LARP4B: variants seen among roughly 807,000 people sequenced by gnomAD.
LARP4B encodes la-related protein 4B.
In LARP4B, 12 loss-of-function variants were observed where a neutral mutation model predicts 89.8. That is an observed-to-expected ratio of 0.13 (90% CI 0.09 to 0.22). The LOEUF (loss-of-function observed/expected upper bound fraction) is 0.22. Ranked by LOEUF, LARP4B falls within the 10% of genes least tolerant of loss-of-function variation. The pLI is 1.00. For missense variants in LARP4B, 757 were observed against 947.7 expected (o/e 0.80, Z 2.64); for synonymous variants, 367 against 363.3 (o/e 1.01, Z -0.12).
intron 13 of LARP4B, among the ~76,000 whole-genome samples, chr10:823,649 C>A (rs1832469692): frequency 6.6e-6 from 1 of 151,590 alleles, no homozygotes; most frequent in African/African-American, 2.4e-5. Flanking sequence ...AATTGATGCC[C>A]CTCAGAGGGA....
At chr10:979,216 G>T in the LARP4B span, among the ~76,000 whole-genome samples, 1 of 152,040 alleles carries the variant, frequency 6.6e-6, no homozygotes, top group Non-Finnish European at 1.5e-5. Flanking sequence ...AGTACTTATT[G>T]GACAAACATT....
intron 1 of LARP4B, among the ~76,000 whole-genome samples, chr10:911,952 T>C (rs1369007324): frequency 1.3e-5 from 2 of 152,206 alleles, no homozygotes; most frequent in South Asian, 2.1e-4. Flanking sequence ...TTTAGACAGA[T>C]GCAGTTTGAA....
In LARP4B at chr10:815,055, C is replaced by A. The variant is rs542921073; in HGVS notation, c.1711G>T (p.Ala571Ser). The change falls in exon 16 of 18, where the codon GCA (alanine) becomes TCA (serine). Residue 571 changes from alanine (A) to serine (S), a missense_variant. Physicochemically the swap from Ala to Ser is moderately conservative, Grantham distance 99 (BLOSUM62 1). Coordinates refer to ENST00000316157, the MANE Select transcript of LARP4B (RefSeq NM_015155.3). ...ACTACAGGAAGGGTGTTCACGCTTGCGTCTGCACTGAGGGTCTGAAACAGG... is the reference window on the plus strand; with the variant it reads ...ACTACAGGAAGGGTGTTCACGCTTGAGTCTGCACTGAGGGTCTGAAACAGG... ...PSKERTLSAD[A>S]SVNTLPVVVS... The A allele has an allele frequency of 7.6e-6, 12 of 1,586,140 alleles. No individual in the cohort carries two copies. The South Asian group carries it at 1.1e-4, about 15-fold the overall frequency.
upstream of LARP4B, among the ~76,000 whole-genome samples, chr10:935,903 T>TTG (rs1554811407): frequency 2.5e-4 from 38 of 150,852 alleles, no homozygotes; most frequent in African/African-American, 9.3e-4. Flanking sequence ...TGTTTTTTTT[T>TTG]TTTGTTTGTT....
chr10:940,358 T>G, the LARP4B span, among the ~76,000 whole-genome samples: 2 of 152,206 alleles, frequency 1.3e-5, no homozygotes, highest in African/African-American at 4.8e-5. Flanking sequence ...TTCACCATGT[T>G]GGCCAGGCTG....
chr10:941,307 TTTTG>T, the LARP4B span, among the ~76,000 whole-genome samples: 20 of 151,734 alleles, frequency 1.3e-4, no homozygotes, highest in South Asian at 4.2e-4. Context: ...GCTTACTTTG[TTTTG>T]TTTGTTTGTT....
chr10:915,819 C>A lies in LARP4B; in HGVS notation c.-40+15609G>T, dbSNP rs866556169. Reference sequence around the variant, plus strand: ...CTGCATTCCAGCCTGGGAGACAGAGCGAGACTCCGCCTCAAAAAAAAAAAA... The same window carrying A: ...CTGCATTCCAGCCTGGGAGACAGAGAGAGACTCCGCCTCAAAAAAAAAAAA... On this transcript the variant is annotated intron_variant, in intron 1 of 17. Coordinates refer to ENST00000316157, the MANE Select transcript of LARP4B (RefSeq NM_015155.3). Among the ~76,000 whole-genome samples, 11 of 131,452 alleles carry A rather than the reference C, an allele frequency of 8.4e-5. No homozygotes were observed. The South Asian group carries it at 2.5e-3, about 30-fold the overall frequency. The allele number at this position is 131,452 out of a possible 152,430, so 86.2% of individuals were successfully genotyped here. A position where few individuals can be genotyped will look rare whatever the true frequency, so the allele number is the denominator to read the frequency against.
intron 1 of LARP4B, among the ~76,000 whole-genome samples, chr10:904,390 T>C (rs1836430632): frequency 6.6e-6 from 1 of 150,920 alleles, no homozygotes; most frequent in African/African-American, 2.4e-5. Flanking sequence ...CCTGTCTCTA[T>C]AAAAAATACA....
chr10:860,648 T>C (rs1450477491), intron 5 of LARP4B, among the ~76,000 whole-genome samples: 1 of 152,040 alleles, frequency 6.6e-6, no homozygotes, highest in Non-Finnish European at 1.5e-5. Context: ...TTCTCAGCAA[T>C]AAAAATAAAT....
chr10:882,390 AT>A (rs772971385), intron 3 of LARP4B, among the ~76,000 whole-genome samples: 3,332 of 145,376 alleles, frequency 0.023, 62 homozygotes, highest in Admixed American at 0.064. Context: ...TAGGGAAACC[AT>A]TTTTTTTTTT....
At chr10:871,412 C>A (rs374094400) in intron 3 of LARP4B, among the ~76,000 whole-genome samples, 2 of 151,896 alleles carry the variant, frequency 1.3e-5, no homozygotes, top group African/African-American at 2.4e-5. Context: ...GTCCACCACA[C>A]GCTCCACACA....
At chr10:817,691 T>C (rs776434547) in intron 15 of LARP4B, 34 bp downstream of exon 15, 35 of 1,594,002 alleles carry the variant, frequency 2.2e-5, no homozygotes, top group Admixed American at 1.5e-4. Context: ...CTAGACACTG[T>C]TGGCAACTAT....
intron 1 of LARP4B, among the ~76,000 whole-genome samples, chr10:916,540 A>C (rs918882574): frequency 6.6e-6 from 1 of 152,196 alleles, no homozygotes; most frequent in Non-Finnish European, 1.5e-5. Context: ...TACTAAAAAT[A>C]CAAAACTAGC....
At chr10:834,930 C>CT (rs2131687452) in intron 8 of LARP4B, among the ~76,000 whole-genome samples, 1 of 151,812 alleles carries the variant, frequency 6.6e-6, no homozygotes, top group South Asian at 2.1e-4. Flanking sequence ...ATCCCAGCTA[C>CT]TCGGGAGGCT....
intron 5 of LARP4B, among the ~76,000 whole-genome samples, chr10:860,791 C>A (rs1450874892): frequency 6.6e-6 from 1 of 152,076 alleles, no homozygotes; most frequent in Non-Finnish European, 1.5e-5. Flanking sequence ...ATCTCTTGGG[C>A]CCAGGAGTTC....
chr10:820,238 T>A (rs1026737262), intron 14 of LARP4B: 1 of 152,424 alleles, frequency 6.6e-6, no homozygotes. Flanking sequence ...AAACTCTGAT[T>A]AATCAACCCA....
intron 1 of LARP4B, among the ~76,000 whole-genome samples, chr10:930,062 G>T (rs1176489794): frequency 6.6e-6 from 1 of 151,328 alleles, no homozygotes; most frequent in Middle Eastern, 3.4e-3. Flanking sequence ...AATGAGGGGC[G>T]CCAGGCAGGT....
intron 1 of LARP4B, among the ~76,000 whole-genome samples, chr10:907,605 A>G (rs1836527656): frequency 6.6e-6 from 1 of 152,222 alleles, no homozygotes; most frequent in Non-Finnish European, 1.5e-5. Flanking sequence ...TGAAACAATT[A>G]TTTGTATTGG....
At chr10:956,144 T>A in the LARP4B span, among the ~76,000 whole-genome samples, 1 of 152,124 alleles carries the variant, frequency 6.6e-6, no homozygotes, top group Admixed American at 6.5e-5. The surrounding 1 kb of genome is among the most constrained non-coding windows in gnomAD (Gnocchi z 4.3). Flanking sequence ...CAGATGGCAA[T>A]GACTCCACGA....
Sources: allele counts gnomAD v4.1 joint callset (sites outside exome capture counted in the v4.1 genomes callset), GRCh38; gene constraint gnomAD v4.1.1; non-coding constraint Gnocchi (gnomAD v3.1); transcripts MANE v1.5; gene names NCBI Gene and HGNC (gene_info 2026-07-23, HGNC 2026-07-21).